RBFOX1: variants seen among roughly 807,000 people sequenced by gnomAD.
RBFOX1 encodes RNA binding fox-1 homolog 1.
A neutral mutation model predicts 57.7 loss-of-function variants in RBFOX1; 8 were observed. That is an observed-to-expected ratio of 0.14 (90% CI 0.08 to 0.25). The LOEUF is 0.25. Ranked by LOEUF, RBFOX1 falls within the 10% of genes least tolerant of loss-of-function variation. The pLI is 1.00. For missense variants in RBFOX1, 611 were observed against 548.5 expected (o/e 1.11, Z -1.14); for synonymous variants, 326 against 222.4 (o/e 1.47, Z -4.15).
chr16:7,055,262 T>C (rs771374581), intron 4 of RBFOX1, among the ~76,000 whole-genome samples: 9 of 152,208 alleles, frequency 5.9e-5, no homozygotes, highest in Non-Finnish European at 1.3e-4. Flanking sequence ...CTTTTGTTTA[T>C]AGAACATACT....
At chr16:7,246,781 C>T (rs1193832529) in intron 4 of RBFOX1, among the ~76,000 whole-genome samples, 1 of 151,930 alleles carries the variant, frequency 6.6e-6, no homozygotes, top group Non-Finnish European at 1.5e-5. Context: ...CATCCAGAGG[C>T]TTATTAAATA....
At chr16:6,956,106 G>C (rs569649090) in intron 3 of RBFOX1, among the ~76,000 whole-genome samples, 2 of 152,224 alleles carry the variant, frequency 1.3e-5, no homozygotes, top group Admixed American at 6.5e-5. Context: ...ATCTGAGTGA[G>C]GGCCACAGAG....
At chr16:6,243,182 C>T (rs1043561613) in intron 1 of RBFOX1, among the ~76,000 whole-genome samples, 2 of 149,382 alleles carry the variant, frequency 1.3e-5, no homozygotes, top group African/African-American at 2.5e-5. Context: ...GTACAGTTTC[C>T]TCTAGGAGAA....
intron 3 of RBFOX1, among the ~76,000 whole-genome samples, chr16:7,036,458 C>G (rs148123231): frequency 3.3e-4 from 50 of 152,142 alleles, no homozygotes; most frequent in African/African-American, 1.1e-3. Context: ...CGCTTGTAAT[C>G]TCAATACTTT....
chr16:6,329,934 G>C (rs183387532), intron 2 of RBFOX1, among the ~76,000 whole-genome samples: 179 of 152,184 alleles, frequency 1.2e-3, no homozygotes, highest in African/African-American at 4.1e-3. Context: ...GTGAGACTCT[G>C]TCTCAAACAA....
chr16:7,670,325 T>C (rs3785211), intron 13 of RBFOX1, among the ~76,000 whole-genome samples: 20,621 of 152,202 alleles, frequency 0.14, 1,825 homozygotes, highest in East Asian at 0.36. Context: ...AGCCACCACG[T>C]GTGGCCAACA....
chr16:6,624,600 A>G (rs375551756), intron 2 of RBFOX1, among the ~76,000 whole-genome samples: 1 of 152,156 alleles, frequency 6.6e-6, no homozygotes, highest in East Asian at 1.9e-4. Context: ...ACTGTACCCT[A>G]AAAGTAGCCA....
At chr16:7,359,936 A>G (rs921560923) in intron 4 of RBFOX1, among the ~76,000 whole-genome samples, 2 of 150,810 alleles carry the variant, frequency 1.3e-5, no homozygotes, top group South Asian at 2.2e-4. Flanking sequence ...GTGAGCCGAG[A>G]TCGCGCCACT....
intron 7 of RBFOX1, among the ~76,000 whole-genome samples, chr16:7,594,923 T>C (rs776925448): frequency 3.9e-5 from 6 of 152,224 alleles, no homozygotes; most frequent in Non-Finnish European, 8.8e-5. Context: ...TTCATGTGAC[T>C]TTTTTGTTTA....
chr16:6,620,067 C>T (rs796622775), intron 2 of RBFOX1, among the ~76,000 whole-genome samples: 6 of 152,254 alleles, frequency 3.9e-5, no homozygotes, highest in Admixed American at 1.3e-4. Context: ...GCATAGCATT[C>T]CATGGTGCAT....
intron 2 of RBFOX1, among the ~76,000 whole-genome samples, chr16:5,476,561 G>A (rs1567140856): frequency 6.6e-6 from 1 of 152,218 alleles, no homozygotes; most frequent in African/African-American, 2.4e-5. Context: ...GCACTCACAG[G>A]TTTAACAGTG....
Position 5,652,490 on chromosome 16 carries a change from A to C in RBFOX1, c.318+53529A>C, listed in dbSNP as rs115946106. Among the ~76,000 whole-genome samples the C allele has an allele frequency of 3.6e-3, 549 of 152,268 alleles. 3 individuals are homozygous for C. The highest frequency in any genetic ancestry group is 0.013 in the African/African-American group (520 of 41,558). On this transcript the variant is annotated intron_variant, in intron 3 of 19. Transcript: ENST00000641259. ...AGCCTAAACATAAATTATTATCTTT[A>C]ATCAGAGTCTTTGTGCAACAGGAGG...
At chr16:5,917,944 C>T (rs1167989952) in intron 4 of RBFOX1, among the ~76,000 whole-genome samples, 1 of 152,090 alleles carries the variant, frequency 6.6e-6, no homozygotes, top group Non-Finnish European at 1.5e-5. Flanking sequence ...CTCTCTCTCC[C>T]ACACGGGAGA....
chr16:6,911,793 C>A (rs994818663), intron 3 of RBFOX1, among the ~76,000 whole-genome samples: 1 of 152,112 alleles, frequency 6.6e-6, no homozygotes, highest in Non-Finnish European at 1.5e-5. Flanking sequence ...TAGAAGAGAT[C>A]TATTTTTTCT....
At chr16:6,665,376 G>A (rs2098725496) in intron 3 of RBFOX1, among the ~76,000 whole-genome samples, 1 of 152,202 alleles carries the variant, frequency 6.6e-6, no homozygotes, top group African/African-American at 2.4e-5. Flanking sequence ...CCCTTTGGGA[G>A]GCCCAGGTGG....
chr16:7,099,769 C>T (rs1035100585), intron 4 of RBFOX1, among the ~76,000 whole-genome samples: 2 of 152,132 alleles, frequency 1.3e-5, no homozygotes, highest in Admixed American at 1.3e-4. Context: ...TACACATATT[C>T]TGATGGGCAA....
chr16:7,136,016 C>T (rs1232549507), intron 4 of RBFOX1, among the ~76,000 whole-genome samples: 1 of 152,184 alleles, frequency 6.6e-6, no homozygotes, highest in Non-Finnish European at 1.5e-5. Flanking sequence ...CAGTGCTGCT[C>T]ATTGAAGCCT....
chr16:7,239,235 C>G (rs2093934273), intron 4 of RBFOX1, among the ~76,000 whole-genome samples: 1 of 152,114 alleles, frequency 6.6e-6, no homozygotes, highest in Non-Finnish European at 1.5e-5. Context: ...AAGGTGGAAT[C>G]AGCCAGTAAT....
chr16:5,310,792 T>G (rs1249931808), intron 1 of RBFOX1, among the ~76,000 whole-genome samples: 1 of 152,224 alleles, frequency 6.6e-6, no homozygotes, highest in South Asian at 2.1e-4. Context: ...TGCATTATTT[T>G]TCAGAAGGAA....
Sources: gnomAD v4.1 joint callset for allele counts (sites outside exome capture counted in the v4.1 genomes callset) on GRCh38, gnomAD v4.1.1 for gene constraint, MANE v1.5 for transcripts, NCBI Gene and HGNC (gene_info 2026-07-23, HGNC 2026-07-21) for gene names.